The following ZNF415 variants were observed in gnomAD, a reference collection of about 807,000 sequenced individuals.
ZNF415 encodes zinc finger protein 415.
In ZNF415, 5 loss-of-function variants were observed where a neutral mutation model predicts 7.3. The observed-to-expected ratio is 0.69, with a 90% CI of 0.36 to 1.44. ZNF415 has a LOEUF of 1.44. Ranked by LOEUF, ZNF415 falls within the 40% of genes most tolerant of loss-of-function variation. ZNF415 has a pLI of 0.04. For synonymous variants in ZNF415, 207 were observed against 226.3 expected, an observed-to-expected ratio of 0.91 and a Z score of 0.77; for missense variants, 628 against 664.8, an observed-to-expected ratio of 0.94 and a Z score of 0.61.
At chr19:53,132,237 A>G (rs995523578) in intron 1 of ZNF415, among the ~76,000 whole-genome samples, 1 of 151,932 alleles carries the variant, frequency 6.6e-6, no homozygotes, top group Non-Finnish European at 1.5e-5. Flanking sequence ...CTGTCCCTCG[A>G]TCCCTTTGGC....
intron 1 of ZNF415, 44 bp from the exon 2 acceptor site, chr19:53,122,787 C>T (rs2088338974): frequency 6.9e-7 from 1 of 1,455,456 alleles, no homozygotes; most frequent in Non-Finnish European, 9.6e-7. Flanking sequence ...AGAAACAACA[C>T]ACCCCCTCTT....
At chr19:53,129,163 G>C (rs2089699330) in intron 1 of ZNF415, among the ~76,000 whole-genome samples, 1 of 152,162 alleles carries the variant, frequency 6.6e-6, no homozygotes, top group African/African-American at 2.4e-5. Context: ...TGACAGGAAG[G>C]GTTTTGACAT....
chr19:53,112,544 G>A (rs1382932641), intron 3 of ZNF415, among the ~76,000 whole-genome samples: 5 of 152,194 alleles, frequency 3.3e-5, no homozygotes, highest in African/African-American at 1.2e-4. Context: ...GACTTATAAA[G>A]CGGTTGAGTA....
chr19:53,122,811 A>T, intron 1 of ZNF415, 68 bp from the exon 2 acceptor site: 2 of 1,242,324 alleles, frequency 1.6e-6, no homozygotes, highest in Non-Finnish European at 2.3e-6. Context: ...TGACAAGCAC[A>T]CACATACACA....
chr19:53,115,441 T>G, intron 3 of ZNF415: 1 of 476,248 alleles, frequency 2.1e-6, no homozygotes, highest in South Asian at 2.5e-5. Flanking sequence ...AGCCAGAGAG[T>G]TCACGGAAGT....
At chr19:53,116,144 G>C in intron 3 of ZNF415, 169 bp downstream of exon 3, 1 of 803,830 alleles carries the variant, frequency 1.2e-6, no homozygotes. Flanking sequence ...AGAAAATCTG[G>C]AAAAAGGGGA....
intron 2 of ZNF415, among the ~76,000 whole-genome samples, chr19:53,118,321 T>C (rs185561391): frequency 3.5e-4 from 54 of 152,334 alleles, no homozygotes; most frequent in African/African-American, 1.3e-3. Flanking sequence ...CGAATATTAT[T>C]AGATTTAAAG....
At position 53,108,910 on chromosome 19, in the gene ZNF415, T is replaced by C; in HGVS notation, c.1135A>G (p.Thr379Ala). 1 of 1,614,128 alleles carries C rather than the reference T, an allele frequency of 6.2e-7. No individual in the cohort carries two copies. Among genetic ancestry groups the C allele is most frequent in the South Asian group, 1.1e-5 (1 of 91,068 alleles). ...TTACACTTGTATGGTTTCTCCCCAG[T>C]GTGAATTCTCTGATGAGTTGCAAGG... ...SSLATHQRIHTGEKPYKCNEC... is the reference protein window; with the variant it reads ...SSLATHQRIHAGEKPYKCNEC... Residue 379 changes from threonine to alanine, a missense_variant, in exon 4 of 4, where the codon ACT becomes GCT. By Grantham distance (58) the Thr-to-Ala change is moderately conservative (BLOSUM62 0). Coordinates refer to ENST00000243643, the MANE Select transcript of ZNF415 (RefSeq NM_018355.4).
At chr19:53,129,535 C>T (rs1367183017) in intron 1 of ZNF415, 4 of 403,076 alleles carry the variant, frequency 9.9e-6, no homozygotes, top group African/African-American at 6.2e-5. Flanking sequence ...AACACAAATG[C>T]ACACCCAATT....
At chr19:53,112,641 C>T (rs1398773491) in intron 3 of ZNF415, among the ~76,000 whole-genome samples, 1 of 152,050 alleles carries the variant, frequency 6.6e-6, no homozygotes, top group African/African-American at 2.4e-5. Context: ...AACCAATATG[C>T]TAAAAAGCAA....
chr19:53,128,611 T>C (rs57978886), intron 1 of ZNF415, among the ~76,000 whole-genome samples: 1,111 of 85,880 alleles, frequency 0.013, 7 homozygotes, highest in Middle Eastern at 0.036. Context: ...GTGTAGAGCG[T>C]GGAAGACCCG....
intron 3 of ZNF415, chr19:53,115,825 G>C (rs1344342867): frequency 6.5e-7 from 1 of 1,536,540 alleles, no homozygotes. Flanking sequence ...GTCAGGAAGA[G>C]AATTTCCCGC....
intron 3 of ZNF415, among the ~76,000 whole-genome samples, chr19:53,113,865 C>T (rs554368374): frequency 3.3e-5 from 5 of 152,324 alleles, no homozygotes; most frequent in Admixed American, 6.5e-5. Flanking sequence ...TCACAGTGCC[C>T]TCCAGGTACA....
In ZNF415 at chr19:53,109,021, T is replaced by C; in HGVS notation, c.1024A>G (p.Thr342Ala). ...TGAATTACCTGATGGTTGGTAAGTGTTGACCTCACACTAAAGGCTTTGCCA... is the reference window on the plus strand; with the variant it reads ...TGAATTACCTGATGGTTGGTAAGTGCTGACCTCACACTAAAGGCTTTGCCA... ...ECGKAFSVRSTLTNHQVIHSG... is the reference protein window; with the variant it reads ...ECGKAFSVRSALTNHQVIHSG... The change falls in exon 4 of 4, where the codon ACA becomes GCA. Residue 342 changes from threonine (T) to alanine (A), a missense_variant. Coordinates refer to ENST00000243643, the MANE Select transcript of ZNF415 (RefSeq NM_018355.4). 6.2e-7 allele frequency: 1 copy of C among 1,613,808 alleles called. No individual in the cohort carries two copies. Among genetic ancestry groups the C allele is most frequent in the Non-Finnish European group, 8.5e-7 (1 of 1,179,784 alleles).
chr19:53,119,888 T>A (rs2087704581), intron 2 of ZNF415, among the ~76,000 whole-genome samples: 1 of 152,064 alleles, frequency 6.6e-6, no homozygotes, highest in African/African-American at 2.4e-5. Context: ...TAATGAAATT[T>A]AATCAGGAAT....
At position 53,122,594 on chromosome 19, in the gene ZNF415, CCAAGG is replaced by C; in HGVS notation, c.15+63_15+67del. ...TCAGACTCAGAGAAGATTTGCAGCT[CCAAGG>C]CATTGTCTCCCACCTTTCTGAAAAG... On this transcript the variant is annotated intron_variant, in intron 2 of 3. Transcript: ENST00000243643. The C allele has an allele frequency of 1.9e-6, 3 of 1,611,060 alleles. No homozygotes were observed. The Middle Eastern group carries it at 5.0e-4, about 266-fold the overall frequency.
At chr19:53,115,424 G>A in intron 3 of ZNF415, 1 of 445,254 alleles carries the variant, frequency 2.2e-6, no homozygotes, top group South Asian at 2.8e-5. Context: ...ACCCCTCAGA[G>A]TGAAGGAGCC....
chr19:53,122,270 A>C (rs1176214629), intron 2 of ZNF415: 7 of 980,860 alleles, frequency 7.1e-6, no homozygotes, highest in Non-Finnish European at 6.0e-6. Flanking sequence ...CAAACAAAAA[A>C]CAAAAACAAC....
At chr19:53,128,859 C>T (rs1442777582) in intron 1 of ZNF415, among the ~76,000 whole-genome samples, 1 of 111,780 alleles carries the variant, frequency 8.9e-6, no homozygotes, top group Admixed American at 9.2e-5. Context: ...AGCATCTGAA[C>T]CACAACCCCG....
Sources: gnomAD v4.1 joint callset for allele counts (sites outside exome capture counted in the v4.1 genomes callset) on GRCh38, gnomAD v4.1.1 for gene constraint, MANE v1.5 for transcripts, NCBI Gene and HGNC (gene_info 2026-07-23, HGNC 2026-07-21) for gene names.